OTOGL: variants seen among roughly 807,000 people sequenced by gnomAD.
OTOGL encodes otogelin-like protein.
A neutral mutation model predicts 318.5 loss-of-function variants in OTOGL; 285 were observed. The observed-to-expected ratio is 0.89, with a 90% CI of 0.81 to 0.99. The LOEUF (loss-of-function observed/expected upper bound fraction) is 0.99, where lower values mean the gene tolerates loss of function less well. Among genes scored for constraint, OTOGL ranks in the 50% least tolerant of loss-of-function variants. OTOGL has a pLI of 0.00. For missense variants in OTOGL, 2,899 were observed against 2,845.6 expected (o/e 1.02, Z -0.43); for synonymous variants, 987 against 936.5 (o/e 1.05, Z -0.99).
chr12:80,199,000 A>G (rs1475919033), intron 1 of OTOGL, among the ~76,000 whole-genome samples: 1 of 152,188 alleles, frequency 6.6e-6, no homozygotes. Flanking sequence ...GCGTGTGCAT[A>G]TTTATGTGCA....
chr12:80,252,801 G>A (rs868135019), intron 13 of OTOGL, among the ~76,000 whole-genome samples: 1 of 152,190 alleles, frequency 6.6e-6, no homozygotes, highest in African/African-American at 2.4e-5. Context: ...TCTGCTCATT[G>A]TTCTGTTAGT....
intron 43 of OTOGL, 59 bp downstream of exon 43, chr12:80,339,323 T>TTTTTTTTTTTTTTTTTTTTTG (rs1491081796): frequency 7.6e-7 from 1 of 1,316,056 alleles, no homozygotes; most frequent in African/African-American, 1.8e-5. Flanking sequence ...TTTTTTTTTT[T>TTTTTTTTTTTTTTTTTTTTTG]CTATTCACGC....
At chr12:80,366,943 A>T (rs866463423) in intron 53 of OTOGL, among the ~76,000 whole-genome samples, 7 of 151,946 alleles carry the variant, frequency 4.6e-5, no homozygotes, top group African/African-American at 1.7e-4. Context: ...GCATCTAAAA[A>T]GTATGATGTT....
At chr12:80,336,200 T>C in intron 39 of OTOGL, 60 bp downstream of exon 39, 1 of 1,466,384 alleles carries the variant, frequency 6.8e-7, no homozygotes, top group Non-Finnish European at 9.0e-7. Flanking sequence ...GGAGAGATTG[T>C]TACTTTTTTG....
chr12:80,358,929 C>T, intron 52 of OTOGL, 29 bp downstream of exon 52: 2 of 1,426,446 alleles, frequency 1.4e-6, no homozygotes, highest in Non-Finnish European at 1.9e-6. Context: ...ATTGACTTGT[C>T]ATATTTATTT....
In OTOGL at chr12:80,186,786, CTGTT is replaced by C. The variant is rs561048539; in HGVS notation, c.-19-22624_-19-22621del. Among the ~76,000 whole-genome samples, 267 of 152,152 alleles carry C rather than the reference CTGTT, an allele frequency of 1.8e-3. 2 individuals are homozygous for C. Among genetic ancestry groups the C allele is most frequent in the African/African-American group, 5.3e-3 (221 of 41,502 alleles). ...CCTTGCTTAAGAGTTCAGTTAAAAA[CTGTT>C]TGAAGTTTTGCTTCCTGTGAATTCA... On this transcript the variant is annotated intron_variant, in intron 1 of 58. Transcript: ENST00000547103.
chr12:80,241,014 T>A (rs1392351827), intron 11 of OTOGL, among the ~76,000 whole-genome samples: 1 of 152,050 alleles, frequency 6.6e-6, no homozygotes, highest in Non-Finnish European at 1.5e-5. Context: ...GAAGTATAAG[T>A]GATACATAGA....
In OTOGL at chr12:80,244,941, G is replaced by A. The variant is rs528232994; in HGVS notation, c.1052+5502G>A. On this transcript the variant is annotated intron_variant, in intron 11 of 58. Transcript: ENST00000547103. ...AGTGATGATGAGCATTTTTTCATGTGTTTTTTGGCTGCATAAATGTCTTCT... is the reference window on the plus strand; with the variant it reads ...AGTGATGATGAGCATTTTTTCATGTATTTTTTGGCTGCATAAATGTCTTCT... Among the ~76,000 whole-genome samples, 113 of 148,492 alleles carry A rather than the reference G, an allele frequency of 7.6e-4. 1 individual carries two copies. Among genetic ancestry groups the A allele is most frequent in the Non-Finnish European group, 1.5e-3 (99 of 67,946 alleles).
intron 8 of OTOGL, among the ~76,000 whole-genome samples, chr12:80,230,623 T>C (rs1879275640): frequency 6.6e-6 from 1 of 152,202 alleles, no homozygotes; most frequent in African/African-American, 2.4e-5. Context: ...TCTATGAGGA[T>C]TTCAGATTGT....
intron 1 of OTOGL, among the ~76,000 whole-genome samples, chr12:80,127,320 T>C (rs1228918202): frequency 1.3e-5 from 2 of 152,140 alleles, no homozygotes; most frequent in East Asian, 3.8e-4. Flanking sequence ...TGGCTGGATA[T>C]GAAATTCTGG....
chr12:80,324,513 G>T (rs1887554864), intron 35 of OTOGL, among the ~76,000 whole-genome samples: 1 of 152,174 alleles, frequency 6.6e-6, no homozygotes, highest in Admixed American at 6.5e-5. Flanking sequence ...TAAGGACTTT[G>T]TCTTTTACTG....
chr12:80,192,908 A>G (rs1453837849), intron 1 of OTOGL, among the ~76,000 whole-genome samples: 1 of 152,154 alleles, frequency 6.6e-6, no homozygotes, highest in Admixed American at 6.5e-5. Flanking sequence ...AAAGGTTACT[A>G]CTCAGATAAT....
rs1302183816 is a variant in OTOGL at position 80,125,676 on chromosome 12, T to C, written c.-20+26071T>C. ...GTGAATCCATCTGGTCCTGGACTTT[T>C]TTTGGTTGGTAAGCTATTAATTATT... On this transcript the variant is annotated intron_variant, in intron 1 of 58. Transcript: ENST00000547103. Among the ~76,000 whole-genome samples the C allele has an allele frequency of 5.6e-4, 85 of 152,302 alleles. 1 individual carries two copies. The highest frequency in any genetic ancestry group is 5.4e-3 in the Admixed American group (83 of 15,302).
intron 27 of OTOGL, among the ~76,000 whole-genome samples, chr12:80,299,749 A>G (rs994977637): frequency 1.1e-4 from 16 of 152,198 alleles, no homozygotes; most frequent in Admixed American, 9.2e-4. Context: ...GTTCTAACAT[A>G]TCTTGCTAAC....
intron 1 of OTOGL, among the ~76,000 whole-genome samples, chr12:80,158,849 G>C (rs143624617): frequency 0.019 from 2,814 of 151,426 alleles, 83 homozygotes; most frequent in African/African-American, 0.063. Flanking sequence ...GATTGCTCTG[G>C]CTAGGACTTC....
intron 1 of OTOGL, among the ~76,000 whole-genome samples, chr12:80,129,727 A>G (rs1225403567): frequency 1.3e-5 from 2 of 152,076 alleles, no homozygotes; most frequent in Non-Finnish European, 2.9e-5. Context: ...CAGCCCCATC[A>G]CTTTCCTGAA....
Position 80,333,063 on chromosome 12 carries a change from A to T in OTOGL, c.4407A>T (p.Thr1469=), listed in dbSNP as rs745923026. 3.8e-6 allele frequency: 6 copies of T among 1,599,340 alleles called. No individual in the cohort carries two copies. In the Admixed American group the frequency reaches 6.8e-5, roughly 18 times the overall value. Residue 1469 remains threonine, a synonymous_variant, in exon 38 of 59, where the codon ACA becomes ACT. Transcript: ENST00000547103. ...ITVFDMLTPT[T]GLECEPQKFD... ...TGTTTGATATGCTAACACCAACTACAGGCTTGGAATGTGAGGTATGACTGA... is the reference window on the plus strand; with the variant it reads ...TGTTTGATATGCTAACACCAACTACTGGCTTGGAATGTGAGGTATGACTGA...
At chr12:80,276,974 A>T (rs1471508824) in intron 24 of OTOGL, among the ~76,000 whole-genome samples, 3 of 151,400 alleles carry the variant, frequency 2.0e-5, no homozygotes, top group African/African-American at 7.3e-5. Flanking sequence ...AGAGGCAAGA[A>T]TTCAGGGTTC....
intron 16 of OTOGL, 131 bp downstream of exon 16, chr12:80,255,316 A>C: frequency 1.1e-6 from 1 of 911,466 alleles, no homozygotes; most frequent in East Asian, 3.2e-5. Flanking sequence ...ATTGATTATT[A>C]AGATACATCA....
Sources: gnomAD v4.1 joint callset for allele counts (sites outside exome capture counted in the v4.1 genomes callset) on GRCh38, gnomAD v4.1.1 for gene constraint, MANE v1.5 for transcripts, NCBI Gene and HGNC (gene_info 2026-07-23, HGNC 2026-07-21) for gene names.